PPP1R12A: variants seen among roughly 807,000 people sequenced by gnomAD.
The protein encoded by PPP1R12A is myosin binding subunit.
Under a neutral mutation model 139.6 loss-of-function variants are expected in PPP1R12A, and 19 were observed. That is an observed-to-expected ratio of 0.14 (90% CI 0.09 to 0.20). PPP1R12A has a LOEUF of 0.20. PPP1R12A is among the 10% of genes least tolerant of loss of function. The pLI is 1.00. For synonymous variants in PPP1R12A, 427 were observed against 420.6 expected, an observed-to-expected ratio of 1.02 and a Z score of -0.19; for missense variants, 925 against 1,211.5, an observed-to-expected ratio of 0.76 and a Z score of 3.51.
At chr12:79,789,759 A>T (rs1473743091) in intron 20 of PPP1R12A, 1 of 395,168 alleles carries the variant, frequency 2.5e-6, no homozygotes, top group East Asian at 7.6e-5. Flanking sequence ...AAAGATGGAT[A>T]ATTTTGAATT....
chr12:79,807,450 G>A, intron 11 of PPP1R12A, 120 bp from the exon 12 acceptor site: 1 of 620,840 alleles, frequency 1.6e-6, no homozygotes, highest in South Asian at 1.9e-5. Context: ...AGGACACTTA[G>A]GAATACTAAT....
chr12:79,877,469 T>C (rs1159639215), intron 1 of PPP1R12A, among the ~76,000 whole-genome samples: 2 of 152,150 alleles, frequency 1.3e-5, no homozygotes, highest in Non-Finnish European at 2.9e-5. Flanking sequence ...GAGAGTGACT[T>C]ACTGTGACTT....
chr12:79,779,808 A>G, intron 23 of PPP1R12A: 1 of 164,032 alleles, frequency 6.1e-6, no homozygotes, highest in East Asian at 1.6e-4. Context: ...GTAAAGTAAG[A>G]CAAGAAAACT....
intron 1 of PPP1R12A, among the ~76,000 whole-genome samples, chr12:79,888,293 T>A (rs1486434901): frequency 6.6e-6 from 1 of 152,134 alleles, no homozygotes. Context: ...TCTCTGAAGG[T>A]GGTGCCCAGA....
intron 4 of PPP1R12A, among the ~76,000 whole-genome samples, chr12:79,830,853 A>G (rs1395160519): frequency 1.3e-5 from 2 of 152,202 alleles, no homozygotes; most frequent in Admixed American, 1.3e-4. Context: ...AGATATATGT[A>G]ACTGGCACAA....
intron 22 of PPP1R12A, among the ~76,000 whole-genome samples, chr12:79,784,129 G>T (rs771563269): frequency 6.6e-6 from 1 of 151,792 alleles, no homozygotes; most frequent in Non-Finnish European, 1.5e-5. Context: ...AAATATTTGT[G>T]TATTTGTGAA....
intron 3 of PPP1R12A, among the ~76,000 whole-genome samples, chr12:79,843,147 G>GTA (rs1439967057): frequency 1.8e-4 from 27 of 152,068 alleles, no homozygotes; most frequent in African/African-American, 5.5e-4. Flanking sequence ...ATATTTCACT[G>GTA]TATATATATT....
chr12:79,933,662 C>A (rs540968660), intron 1 of PPP1R12A, among the ~76,000 whole-genome samples: 23 of 152,156 alleles, frequency 1.5e-4, no homozygotes, highest in Admixed American at 3.3e-4. Flanking sequence ...TTAAAAATTG[C>A]TTTTTATGCA....
At chr12:79,786,699 C>T (rs535132202) in intron 21 of PPP1R12A, 8 of 327,428 alleles carry the variant, frequency 2.4e-5, no homozygotes, top group South Asian at 6.3e-5. Context: ...ATTCAAAAAT[C>T]AAGACTTCAC....
At chr12:79,841,097 T>G (rs549289047) in intron 3 of PPP1R12A, among the ~76,000 whole-genome samples, 6 of 150,254 alleles carry the variant, frequency 4.0e-5, no homozygotes, top group Non-Finnish European at 8.9e-5. Context: ...AAGGTCTCAC[T>G]CTGTTGTCCA....
intron 1 of PPP1R12A, among the ~76,000 whole-genome samples, chr12:79,881,636 T>G (rs781480229): frequency 3.3e-5 from 5 of 152,142 alleles, no homozygotes; most frequent in Non-Finnish European, 5.9e-5. Context: ...AGCTGCATCT[T>G]CCAGATGCAG....
At chr12:79,803,977 TTG>T (rs975657100) in intron 14 of PPP1R12A, among the ~76,000 whole-genome samples, 5 of 152,088 alleles carry the variant, frequency 3.3e-5, no homozygotes, top group African/African-American at 1.2e-4. Flanking sequence ...TTATTAGGTT[TTG>T]TCACTGGAGA....
chr12:79,935,158 G>A (rs1422600843), upstream of PPP1R12A: 3 of 1,342,510 alleles, frequency 2.2e-6, no homozygotes, highest in Non-Finnish European at 2.9e-6. Flanking sequence ...CCCGCCCCCA[G>A]CACGGCCACC....
chr12:79,891,450 AAAGGGAGATAAC>A (rs1245640376), intron 1 of PPP1R12A, among the ~76,000 whole-genome samples: 7 of 152,262 alleles, frequency 4.6e-5, no homozygotes, highest in African/African-American at 1.7e-4. Context: ...GAATAGTGAG[AAAGGGAGATAAC>A]AAGCAGCTCT....
At chr12:79,932,103 T>G (rs1425679457) in intron 1 of PPP1R12A, among the ~76,000 whole-genome samples, 6 of 152,178 alleles carry the variant, frequency 3.9e-5, no homozygotes, top group Non-Finnish European at 7.4e-5. Flanking sequence ...TAAATGAATA[T>G]TCAAAAAACA....
chr12:79,877,890 A>G (rs1883266073), intron 1 of PPP1R12A, among the ~76,000 whole-genome samples: 1 of 152,114 alleles, frequency 6.6e-6, no homozygotes, highest in Non-Finnish European at 1.5e-5. Context: ...CTGTATCCTG[A>G]ATTTTATCCT....
chr12:79,815,611 A>G (rs1002373382), intron 9 of PPP1R12A, among the ~76,000 whole-genome samples: 2 of 152,210 alleles, frequency 1.3e-5, no homozygotes, highest in African/African-American at 4.8e-5. Context: ...AAACAGATCA[A>G]AAGATGCAGG....
At chr12:79,916,090 T>A (rs766696523) in intron 1 of PPP1R12A, among the ~76,000 whole-genome samples, 1 of 151,144 alleles carries the variant, frequency 6.6e-6, no homozygotes, top group Non-Finnish European at 1.5e-5. Context: ...ACTATCTGTT[T>A]AATAGTGGAT....
chr12:79,892,808 TA>T (rs1329424944), intron 1 of PPP1R12A, among the ~76,000 whole-genome samples: 6 of 152,126 alleles, frequency 3.9e-5, no homozygotes, highest in Admixed American at 2.6e-4. Context: ...CAAATGTTAA[TA>T]AATGCTCTTT....
Sources: gnomAD v4.1 joint callset for allele counts (sites outside exome capture counted in the v4.1 genomes callset) on GRCh38, gnomAD v4.1.1 for gene constraint, MANE v1.5 for transcripts, NCBI Gene and HGNC (gene_info 2026-07-23, HGNC 2026-07-21) for gene names.